The following ADAT1 variants were observed in gnomAD, a reference collection of about 807,000 sequenced individuals.
ADAT1 encodes tRNA-specific adenosine deaminase 1.
In ADAT1, 58 loss-of-function variants were observed where a neutral mutation model predicts 58.6. The observed-to-expected ratio is 0.99, with a 90% CI of 0.80 to 1.23. The LOEUF is 1.23. Ranked by LOEUF, ADAT1 falls within the 50% of genes most tolerant of loss-of-function variation. ADAT1 has a pLI of 0.00. For synonymous variants in ADAT1, 254 were observed against 220.8 expected (o/e 1.15, Z -1.33); for missense variants, 741 against 608.6 (o/e 1.22, Z -2.29).
chr16:75,616,418 TAGC>T (rs1303436601), intron 5 of ADAT1, among the ~76,000 whole-genome samples: 4 of 152,244 alleles, frequency 2.6e-5, no homozygotes, highest in Non-Finnish European at 4.4e-5. Flanking sequence ...TTGCATGTGT[TAGC>T]TTTAAAGCTT....
rs144377696 is a variant in ADAT1, at chr16:75,623,095, C to G, written c.-714G>C. The G allele has an allele frequency of 3.3e-5, 5 of 152,484 alleles. No homozygotes were observed. The highest frequency in any genetic ancestry group is 1.2e-4 in the African/African-American group (5 of 41,608). 9.4% of individuals were successfully genotyped at this position (152,484 alleles called of 1,614,324 possible). On this transcript the variant is annotated 5_prime_UTR_variant, in exon 1 of 10. Coordinates refer to ENST00000564657, the MANE Select transcript of ADAT1 (RefSeq NM_001324445.2). Reference sequence around the variant, plus strand: ...TTCAGGCGCCGGCTGCTGACAGTTCCAGGCGTGGAGCGCCTTCCCACGTGA... The same window carrying G: ...TTCAGGCGCCGGCTGCTGACAGTTCGAGGCGTGGAGCGCCTTCCCACGTGA...
At position 75,612,508 on chromosome 16, in the gene ADAT1, C is replaced by T. The variant is rs996093601; in HGVS notation, c.778G>A (p.Gly260Arg). The T allele has an allele frequency of 1.2e-6, 2 of 1,614,064 alleles. No individual in the cohort carries two copies. Among genetic ancestry groups the T allele is most frequent in the African/African-American group, 2.7e-5 (2 of 74,912 alleles). The change falls in exon 6 of 10, where the codon GGA becomes AGA. Residue 260 changes from glycine to arginine, a missense_variant. Transcript: ENST00000564657. ...GCTTCTCCAGGTACACACTTGGCTC[C>T]AGTTCTATAAACGTCTATCACTTTG... ...SAKVIDVYRT[G>R]AKCVPGEAGD...
chr16:75,619,784 C>T (rs768451624), intron 3 of ADAT1: 2 of 360,316 alleles, frequency 5.6e-6, no homozygotes, highest in African/African-American at 2.2e-5. Context: ...ATGGTGGGTG[C>T]CTGCTGAGGC....
chr16:75,615,530 C>A (rs1412741256), intron 5 of ADAT1, among the ~76,000 whole-genome samples: 2 of 76,640 alleles, frequency 2.6e-5, no homozygotes, highest in African/African-American at 9.6e-5. Context: ...CAAGAAAAAT[C>A]TCATAATGTT....
intron 2 of ADAT1, 89 bp from the exon 3 acceptor site, chr16:75,620,423 G>T: frequency 6.8e-7 from 1 of 1,469,392 alleles, no homozygotes. Context: ...TCCTCTAGGG[G>T]ATTCCCAGAG....
Position 75,598,370 on chromosome 16 carries a change from G to A in ADAT1, c.*1846C>T, listed in dbSNP as rs935174201. ...ATTACAGGCGTGAGCCACTGCACCC[G>A]GCCAGGAATACATTTCTGTTGTCTT... On this transcript the variant is annotated 3_prime_UTR_variant, in exon 10 of 10. Coordinates refer to ENST00000564657, the MANE Select transcript of ADAT1 (RefSeq NM_001324445.2). 1 of 183,278 alleles carries A rather than the reference G, an allele frequency of 5.5e-6. No homozygotes were observed. Among genetic ancestry groups the A allele is most frequent in the South Asian group, 7.0e-5 (1 of 14,254 alleles). The allele number at this position is 183,278 out of a possible 1,614,324, so 11.4% of individuals were successfully genotyped here. A position where few individuals can be genotyped will look rare whatever the true frequency, so the allele number is the denominator to read the frequency against.
At chr16:75,615,137 G>C (rs1248805198) in intron 5 of ADAT1, among the ~76,000 whole-genome samples, 2 of 149,906 alleles carry the variant, frequency 1.3e-5, no homozygotes, top group African/African-American at 4.9e-5. Context: ...CAAGGCAGGA[G>C]AATCGCCTGG....
Position 75,618,569 on chromosome 16 carries a change from T to G in ADAT1, c.293+17A>C. 1 of 1,557,802 alleles carries G rather than the reference T, an allele frequency of 6.4e-7. No homozygotes were observed. Among genetic ancestry groups the G allele is most frequent in the Non-Finnish European group, 8.7e-7 (1 of 1,144,772 alleles). ...ACCCCAGTCCTGCTGAACCATACTC[T>G]GGAGATGTGGCTTTACCTTTGGAAA... is the stretch of plus-strand genomic sequence containing the variant. On this transcript the variant is annotated intron_variant, in intron 4 of 9. Transcript: ENST00000564657.
intron 8 of ADAT1, among the ~76,000 whole-genome samples, chr16:75,606,472 T>C (rs911832006): frequency 4.6e-5 from 7 of 152,318 alleles, no homozygotes; most frequent in African/African-American, 7.2e-5. Context: ...CTTTCTTGGA[T>C]TGCCTGTTCT....
intron 3 of ADAT1, chr16:75,619,484 C>A: frequency 2.5e-6 from 1 of 399,296 alleles, no homozygotes. Context: ...CTGCAGTGAG[C>A]TATGATAGTA....
intron 1 of ADAT1, among the ~76,000 whole-genome samples, chr16:75,621,770 C>A (rs998431269): frequency 6.6e-6 from 1 of 152,196 alleles, no homozygotes; most frequent in Non-Finnish European, 1.5e-5. Flanking sequence ...GGATACTTTG[C>A]AGGGAAATCT....
At chr16:75,621,090 G>C (rs79731960) in intron 1 of ADAT1, among the ~76,000 whole-genome samples, 1,606 of 151,928 alleles carry the variant, frequency 0.011, 15 homozygotes, top group Non-Finnish European at 0.016. Flanking sequence ...TAAGGAGTCT[G>C]CATCCTCTAC....
rs1597119466 is a variant in ADAT1 at position 75,612,503 on chromosome 16, G to C, written c.783C>G (p.Ala261=). 6.2e-7 allele frequency: 1 copy of C among 1,614,138 alleles called. No homozygotes were observed. Among genetic ancestry groups the C allele is most frequent in the Non-Finnish European group, 8.5e-7 (1 of 1,180,040 alleles). Residue 261 remains alanine, a synonymous_variant, in exon 6 of 10, where the codon GCC becomes GCG. Coordinates refer to ENST00000564657, the MANE Select transcript of ADAT1 (RefSeq NM_001324445.2). ...CTCCAGCTTCTCCAGGTACACACTT[G>C]GCTCCAGTTCTATAAACGTCTATCA... ...AKVIDVYRTG[A]KCVPGEAGDS...
In ADAT1 at chr16:75,608,236, C is replaced by T; in HGVS notation, c.1277G>A (p.Ser426Asn). Residue 426 changes from serine to asparagine, a missense_variant, in exon 8 of 10, where the codon AGC becomes AAC. Ser to Asn is a conservative substitution (Grantham distance 46). Transcript: ENST00000564657. ...CAATATGCTGTACCTTGCCTGAAGG[C>T]TTCCAATTGTTTTCTTTGTTGTTCC... The part of the protein sequence containing the change: ...PQGTTKKTIG[S>N]LQARSQISKV... 6.2e-7 allele frequency: 1 copy of T among 1,613,972 alleles called. No homozygotes were observed. Among genetic ancestry groups the T allele is most frequent in the South Asian group, 1.1e-5 (1 of 91,072 alleles).
At chr16:75,603,289 T>C in intron 8 of ADAT1, 118 bp from the exon 9 acceptor site, 1 of 818,362 alleles carries the variant, frequency 1.2e-6, no homozygotes, top group Non-Finnish European at 2.0e-6. Context: ...GCCCCTCATT[T>C]TCACCTGTAC....
intron 6 of ADAT1, among the ~76,000 whole-genome samples, chr16:75,610,298 CTTT>C (rs76848698): frequency 7.0e-6 from 1 of 143,250 alleles, no homozygotes. Flanking sequence ...TACATATACA[CTTT>C]TTTTTTTTTT....
intron 1 of ADAT1, among the ~76,000 whole-genome samples, chr16:75,621,025 A>AT (rs1286006773): frequency 6.6e-6 from 1 of 151,946 alleles, no homozygotes; most frequent in Admixed American, 6.6e-5. Flanking sequence ...AATTCTACCA[A>AT]TCCCCAAAAT....
In ADAT1 at chr16:75,612,536, A is replaced by G. The variant is rs2081576127; in HGVS notation, c.750T>C (p.Ser250=). ...LATVTRIAPG[S]AKVIDVYRTG... is the part of the protein sequence containing the mutation. ...TTCTATAAACGTCTATCACTTTGGCACTACCAGGGGCTATTCTGGTGACAG... is the reference window on the plus strand; with the variant it reads ...TTCTATAAACGTCTATCACTTTGGCGCTACCAGGGGCTATTCTGGTGACAG... Residue 250 remains serine, a synonymous_variant, in exon 6 of 10, where the codon AGT becomes AGC. Coordinates refer to ENST00000564657, the MANE Select transcript of ADAT1 (RefSeq NM_001324445.2). 26 of 1,614,146 alleles carry G rather than the reference A, an allele frequency of 1.6e-5. No individual in the cohort carries two copies. Among genetic ancestry groups the G allele is most frequent in the Non-Finnish European group, 2.2e-5 (26 of 1,180,038 alleles).
rs1017982486 is a variant in ADAT1 at position 75,597,980 on chromosome 16, G to C, written c.*2236C>G. On this transcript the variant is annotated 3_prime_UTR_variant, in exon 10 of 10. Transcript: ENST00000564657. ...GACAAGTAATGGTCTGTGGCTCTGG[G>C]GCTGGGGGCCCCTGCCCTAAAGCTT... Among the ~76,000 whole-genome samples the C allele has an allele frequency of 6.6e-6, 1 of 152,224 alleles. No homozygotes were observed. The highest frequency in any genetic ancestry group is 1.5e-5 in the Non-Finnish European group (1 of 68,048).
Sources: allele counts gnomAD v4.1 joint callset (sites outside exome capture counted in the v4.1 genomes callset), GRCh38; gene constraint gnomAD v4.1.1; transcripts MANE v1.5; gene names NCBI Gene and HGNC (gene_info 2026-07-23, HGNC 2026-07-21).